Variants in ELAPOR1 observed in about 807,000 individuals in gnomAD.
The protein encoded by ELAPOR1 is endosome/lysosome-associated apoptosis and autophagy regulator 1.
Under a neutral mutation model 119.7 loss-of-function variants are expected in ELAPOR1, and 77 were observed. That is an observed-to-expected ratio of 0.64 (90% CI 0.54 to 0.78). ELAPOR1 has a LOEUF of 0.78. Ranked by LOEUF, ELAPOR1 falls within the 30% of genes least tolerant of loss-of-function variation. The pLI is 0.00. For synonymous variants in ELAPOR1, 481 were observed against 487.2 expected (o/e 0.99, Z 0.17); for missense variants, 1,115 against 1,270.4 (o/e 0.88, Z 1.86).
At position 109,125,448 on chromosome 1, in the gene ELAPOR1, T is replaced by C. The variant is rs536189540; in HGVS notation, c.153+11112T>C. 9.3e-5 allele frequency among the ~76,000 whole-genome samples: 14 copies of C among 151,334 alleles called. No individual in the cohort carries two copies. The East Asian group carries it at 2.7e-3, about 30-fold the overall frequency. ...GTCTTGCTCCGTCGCCAGGCTGTAG[T>C]GCAGCACAATCTCAGCTCACTACAA... On this transcript the variant is annotated intron_variant, in intron 1 of 21. Transcript: ENST00000369939.
Position 109,204,246 on chromosome 1 carries a change from T to G in ELAPOR1, c.*1234T>G, listed in dbSNP as rs1654361519. 1 of 152,252 alleles carries G rather than the reference T, an allele frequency of 6.6e-6. No individual in the cohort carries two copies. The highest frequency in any genetic ancestry group is 2.1e-4 in the South Asian group (1 of 4,832). The allele number at this position is 152,252 out of a possible 1,614,324, so 9.4% of individuals were successfully genotyped here. The stretch of plus-strand genomic sequence containing the variant: ...CCTTTTATTTGTTTTTTAAACCACG[T>G]AGCTCATTGCCTTCTCTTAAGTAAA... On this transcript the variant is annotated 3_prime_UTR_variant, in exon 22 of 22. Coordinates refer to ENST00000369939, the MANE Select transcript of ELAPOR1 (RefSeq NM_020775.5).
At chr1:109,171,339 G>A (rs2101057264) in intron 3 of ELAPOR1, among the ~76,000 whole-genome samples, 1 of 152,160 alleles carries the variant, frequency 6.6e-6, no homozygotes, top group East Asian at 1.9e-4. Context: ...CTTGAGGTCA[G>A]GAGTTCGAGA....
At chr1:109,202,837 C>A in intron 21 of ELAPOR1, 107 bp from the exon 22 acceptor site, 1 of 1,046,724 alleles carries the variant, frequency 9.6e-7, no homozygotes, top group Non-Finnish European at 1.5e-6. Context: ...GCCACTGAAA[C>A]AGGAATTTCA....
intron 17 of ELAPOR1, 149 bp from the exon 18 acceptor site, chr1:109,198,424 C>T: frequency 1.5e-6 from 1 of 667,452 alleles, no homozygotes; most frequent in Non-Finnish European, 2.6e-6. Flanking sequence ...ACGTATAAAC[C>T]AAGGCCTGTG....
chr1:109,124,513 C>T (rs1457623582), intron 1 of ELAPOR1, among the ~76,000 whole-genome samples: 1 of 152,146 alleles, frequency 6.6e-6, no homozygotes, highest in Non-Finnish European at 1.5e-5. Flanking sequence ...CTGAAGTGAA[C>T]ACTTGCATAT....
At chr1:109,194,359 T>C (rs1428929920) in intron 14 of ELAPOR1, 62 bp from the exon 15 acceptor site, 1 of 1,490,698 alleles carries the variant, frequency 6.7e-7, no homozygotes, top group African/African-American at 1.4e-5. Context: ...CTGCTACTCT[T>C]GGCTGCAGGC....
At chr1:109,166,364 T>G (rs1418480284) in intron 3 of ELAPOR1, among the ~76,000 whole-genome samples, 1 of 152,238 alleles carries the variant, frequency 6.6e-6, no homozygotes, top group African/African-American at 2.4e-5. Flanking sequence ...CTTCTGAAAC[T>G]GATTCTGCCT....
intron 7 of ELAPOR1, among the ~76,000 whole-genome samples, chr1:109,183,344 A>AC (rs959660715): frequency 2.1e-5 from 1 of 48,084 alleles, no homozygotes; most frequent in African/African-American, 5.1e-5. Flanking sequence ...AAAAAAAAAA[A>AC]AAAACAAAAA....
intron 12 of ELAPOR1, 103 bp from the exon 13 acceptor site, chr1:109,191,623 C>G: frequency 1.3e-6 from 2 of 1,501,682 alleles, no homozygotes; most frequent in South Asian, 1.2e-5. Flanking sequence ...CACAGTTTAA[C>G]AAGGGTCTCA....
chr1:109,140,273 A>G (rs988721179), intron 1 of ELAPOR1, among the ~76,000 whole-genome samples: 1 of 152,106 alleles, frequency 6.6e-6, no homozygotes, highest in African/African-American at 2.4e-5. Flanking sequence ...CTGTATTTGT[A>G]TCCCCTCACT....
intron 7 of ELAPOR1, among the ~76,000 whole-genome samples, chr1:109,180,719 C>T (rs1347390676): frequency 1.3e-5 from 2 of 152,112 alleles, no homozygotes; most frequent in African/African-American, 2.4e-5. Flanking sequence ...AATCCTAATA[C>T]TTTGGGAGGC....
chr1:109,172,160 A>T, intron 4 of ELAPOR1, 147 bp downstream of exon 4: 1 of 994,770 alleles, frequency 1.0e-6, no homozygotes, highest in South Asian at 1.6e-5. Context: ...AAATGAGCTG[A>T]GGCCCAGGAG....
In ELAPOR1 at chr1:109,197,668, CT is replaced by C; in HGVS notation, c.2302+15del. On this transcript the variant is annotated intron_variant, in intron 16 of 21. Coordinates refer to ENST00000369939, the MANE Select transcript of ELAPOR1 (RefSeq NM_020775.5). Reference sequence around the variant, plus strand: ...ATCGACTTATTGGTGAGTAACTCCGCTGCCTCAGCCTTGTTTGAGAGTGTGT... The same window carrying C: ...ATCGACTTATTGGTGAGTAACTCCGCGCCTCAGCCTTGTTTGAGAGTGTGT... The C allele has an allele frequency of 6.2e-7, 1 of 1,602,654 alleles. No homozygotes were observed. The highest frequency in any genetic ancestry group is 2.3e-5 in the East Asian group (1 of 43,988).
chr1:109,161,725 A>C lies in ELAPOR1; in HGVS notation c.154-169A>C, dbSNP rs1250698095. On this transcript the variant is annotated intron_variant, in intron 1 of 21. Transcript: ENST00000369939. Reference sequence around the variant, plus strand: ...TGGGTGGAAGGGAATGATCCAAATCATTGTAGTTCTTGTACTCGGTTCATA... The same window carrying C: ...TGGGTGGAAGGGAATGATCCAAATCCTTGTAGTTCTTGTACTCGGTTCATA... 5 of 656,686 alleles carry C rather than the reference A, an allele frequency of 7.6e-6. No individual in the cohort carries two copies. In the East Asian group the frequency reaches 8.4e-5, roughly 11 times the overall value. The allele number at this position is 656,686 out of a possible 1,614,324, so 40.7% of individuals were successfully genotyped here. A position where few individuals can be genotyped will look rare whatever the true frequency, so the allele number is the denominator to read the frequency against.
chr1:109,132,576 T>C (rs1649215480), intron 1 of ELAPOR1, among the ~76,000 whole-genome samples: 1 of 152,140 alleles, frequency 6.6e-6, no homozygotes, highest in South Asian at 2.1e-4. Context: ...GAGCACATAT[T>C]AGGGGATTTG....
chr1:109,190,527 T>C (rs1231474764), intron 11 of ELAPOR1, among the ~76,000 whole-genome samples: 2 of 152,228 alleles, frequency 1.3e-5, no homozygotes, highest in African/African-American at 4.8e-5. Context: ...GTCTGACACC[T>C]TCATTTCCTT....
intron 7 of ELAPOR1, among the ~76,000 whole-genome samples, chr1:109,178,563 G>T (rs1652492357): frequency 1.3e-5 from 2 of 152,230 alleles, no homozygotes; most frequent in Admixed American, 6.5e-5. Context: ...GCTAGGGTTA[G>T]AGCTGGTGCC....
At chr1:109,176,329 G>C (rs1239223243) in intron 7 of ELAPOR1, among the ~76,000 whole-genome samples, 1 of 152,098 alleles carries the variant, frequency 6.6e-6, no homozygotes, top group Non-Finnish European at 1.5e-5. Flanking sequence ...AAGGGAGAGA[G>C]AAGCAGTCCC....
At chr1:109,173,222 G>A (rs959788335) in intron 5 of ELAPOR1, among the ~76,000 whole-genome samples, 3 of 152,080 alleles carry the variant, frequency 2.0e-5, no homozygotes, top group Non-Finnish European at 4.4e-5. Flanking sequence ...CTCTTTACTG[G>A]TCTCACCATA....
Sources: allele counts gnomAD v4.1 joint callset (sites outside exome capture counted in the v4.1 genomes callset), GRCh38; gene constraint gnomAD v4.1.1; transcripts MANE v1.5; gene names NCBI Gene and HGNC (gene_info 2026-07-23, HGNC 2026-07-21).